The following EIF4G3 variants were observed in gnomAD, a reference collection of about 807,000 sequenced individuals.
EIF4G3 encodes eIF-4-gamma 3.
Under a neutral mutation model 186.4 loss-of-function variants are expected in EIF4G3, and 34 were observed. The observed-to-expected ratio is 0.18, with a 90% CI of 0.14 to 0.24. The LOEUF is 0.24. Ranked by LOEUF, EIF4G3 falls within the 10% of genes least tolerant of loss-of-function variation. EIF4G3 has a pLI of 1.00. For missense variants in EIF4G3, 1,536 were observed against 1,948.5 expected (o/e 0.79, Z 3.99); for synonymous variants, 673 against 679.5 (o/e 0.99, Z 0.15).
chr1:20,914,009 C>T (rs1367181503), intron 14 of EIF4G3, among the ~76,000 whole-genome samples: 2 of 151,662 alleles, frequency 1.3e-5, no homozygotes, highest in South Asian at 2.1e-4. Context: ...GGGGTTTCAC[C>T]GTGTTAGCCA....
chr1:21,088,160 C>G (rs969861879), intron 3 of EIF4G3, among the ~76,000 whole-genome samples: 3 of 152,096 alleles, frequency 2.0e-5, no homozygotes, highest in Non-Finnish European at 2.9e-5. Flanking sequence ...GGCACAGTGG[C>G]TCAGGCCTGT....
chr1:21,108,896 C>A (rs1275508523), intron 2 of EIF4G3, among the ~76,000 whole-genome samples: 2 of 90,460 alleles, frequency 2.2e-5, no homozygotes, highest in Non-Finnish European at 4.2e-5. Context: ...GAGTGAGACT[C>A]CATCTCAAAA....
At chr1:20,880,992 C>T (rs1031732166) in intron 19 of EIF4G3, among the ~76,000 whole-genome samples, 5 of 152,040 alleles carry the variant, frequency 3.3e-5, no homozygotes, top group African/African-American at 1.2e-4. Flanking sequence ...TATATGAACA[C>T]ACACACACAA....
rs968714682 is a variant in EIF4G3 at position 21,113,224 on chromosome 1, T to C, written c.-271-24011A>G. On this transcript the variant is annotated intron_variant, in intron 2 of 36. Transcript: ENST00000602326. ...AGGGAGAAGAGTAGCACTGTACATTTTTTGCAAATCACTTTCATGTCTGGT... is the reference window on the plus strand; with the variant it reads ...AGGGAGAAGAGTAGCACTGTACATTCTTTGCAAATCACTTTCATGTCTGGT... 2.6e-5 allele frequency among the ~76,000 whole-genome samples: 4 copies of C among 152,010 alleles called. No individual in the cohort carries two copies. In the South Asian group the frequency reaches 8.3e-4, roughly 32 times the overall value.
chr1:20,910,953 C>T (rs190487589), intron 14 of EIF4G3, among the ~76,000 whole-genome samples: 7 of 152,264 alleles, frequency 4.6e-5, no homozygotes, highest in Admixed American at 4.6e-4. Flanking sequence ...TTCTTCAATG[C>T]TTGTAATGAT....
In EIF4G3 at chr1:20,879,539, A is replaced by G. The variant is rs759599609; in HGVS notation, c.2425-19T>C. 7.3e-7 allele frequency: 1 copy of G among 1,370,794 alleles called. No individual in the cohort carries two copies. Among genetic ancestry groups the G allele is most frequent in the South Asian group, 2.0e-5 (1 of 49,012 alleles). 84.9% of individuals were successfully genotyped at this position (1,370,794 alleles called of 1,614,324 possible). A position where few individuals can be genotyped will look rare whatever the true frequency, so the allele number is the denominator to read the frequency against. ...AAAGCTCCTAGAAGGGCCACAAAAA[A>G]GAAAAAAGCATTAGAGTAACTGTGA... On this transcript the variant is annotated intron_variant, in intron 19 of 36. Coordinates refer to ENST00000602326, the MANE Select transcript of EIF4G3 (RefSeq NM_001391906.1).
chr1:21,001,088 G>C, intron 6 of EIF4G3, 111 bp downstream of exon 6: 1 of 418,762 alleles, frequency 2.4e-6, no homozygotes, highest in Non-Finnish European at 4.9e-6. Flanking sequence ...CTTTCAGAGA[G>C]GAAGCAATCA....
chr1:21,003,177 T>TC (rs982922688), intron 4 of EIF4G3, among the ~76,000 whole-genome samples: 4 of 149,870 alleles, frequency 2.7e-5, no homozygotes, highest in East Asian at 2.0e-4. Context: ...TTTTCTTTTT[T>TC]TTTTTTTTTT....
At chr1:21,066,386 G>A (rs2154579489) in intron 3 of EIF4G3, among the ~76,000 whole-genome samples, 1 of 151,674 alleles carries the variant, frequency 6.6e-6, no homozygotes, top group Middle Eastern at 3.4e-3. Context: ...ATATACCATT[G>A]ATTTTACATT....
chr1:20,869,315 T>A (rs1389268560), intron 20 of EIF4G3, among the ~76,000 whole-genome samples: 1 of 146,384 alleles, frequency 6.8e-6, no homozygotes. Context: ...AATTTTTTTT[T>A]TTTTTTTTTT....
At chr1:21,028,706 A>G (rs1364194424) in intron 4 of EIF4G3, among the ~76,000 whole-genome samples, 1 of 152,254 alleles carries the variant, frequency 6.6e-6, no homozygotes, top group Non-Finnish European at 1.5e-5. Flanking sequence ...CTCATGATAC[A>G]TAACTTCACA....
chr1:21,007,089 C>T (rs2085296466), intron 4 of EIF4G3, among the ~76,000 whole-genome samples: 1 of 152,032 alleles, frequency 6.6e-6, no homozygotes, highest in African/African-American at 2.4e-5. Flanking sequence ...AAAAACTAAG[C>T]TGCCAAATTT....
chr1:21,094,515 G>C (rs972871208), intron 2 of EIF4G3, among the ~76,000 whole-genome samples: 1 of 150,388 alleles, frequency 6.6e-6, no homozygotes, highest in Non-Finnish European at 1.5e-5. Flanking sequence ...GGAAACTATC[G>C]CAAAGACAGA....
chr1:21,102,379 C>T (rs1250127277), intron 2 of EIF4G3, among the ~76,000 whole-genome samples: 2 of 152,176 alleles, frequency 1.3e-5, no homozygotes, highest in Non-Finnish European at 2.9e-5. Context: ...ACAATTTTCC[C>T]CCAACACTTT....
At chr1:20,941,008 T>C (rs2095690906) in intron 14 of EIF4G3, among the ~76,000 whole-genome samples, 2 of 152,248 alleles carry the variant, frequency 1.3e-5, no homozygotes, top group Admixed American at 1.3e-4. Flanking sequence ...AAAATAGTTA[T>C]AAACCTTTGA....
Position 20,817,380 on chromosome 1 carries a change from T to C in EIF4G3, c.4515+12A>G. ...TGTAGAGGTATCAGGGAAGGTGACA[T>C]AGTCTTTATACCTCTACCCAGTCAA... On this transcript the variant is annotated intron_variant, in intron 34 of 36. Coordinates refer to ENST00000602326, the MANE Select transcript of EIF4G3 (RefSeq NM_001391906.1). 3 of 1,512,534 alleles carry C rather than the reference T, an allele frequency of 2.0e-6. No homozygotes were observed. Among genetic ancestry groups the C allele is most frequent in the South Asian group, 2.8e-5 (2 of 70,390 alleles). 93.7% of individuals were successfully genotyped at this position (1,512,534 alleles called of 1,614,324 possible). A position where few individuals can be genotyped will look rare whatever the true frequency, so the allele number is the denominator to read the frequency against.
intron 30 of EIF4G3, 137 bp from the exon 31 acceptor site, chr1:20,829,409 G>A: frequency 1.1e-6 from 1 of 925,560 alleles, no homozygotes; most frequent in Non-Finnish European, 1.6e-6. Flanking sequence ...CAAAGTGACT[G>A]GTAAATACAT....
chr1:20,839,008 T>C (rs2067607519), intron 30 of EIF4G3, among the ~76,000 whole-genome samples: 1 of 152,112 alleles, frequency 6.6e-6, no homozygotes, highest in Non-Finnish European at 1.5e-5. Context: ...AGAGGGAGTC[T>C]TGCTCTGTCG....
chr1:20,817,303 T>A, intron 34 of EIF4G3, 89 bp downstream of exon 34: 1 of 665,188 alleles, frequency 1.5e-6, no homozygotes, highest in African/African-American at 1.9e-5. Flanking sequence ...TAAAAATTCA[T>A]GAAGTGAACT....
Sources: gnomAD v4.1 joint callset for allele counts (sites outside exome capture counted in the v4.1 genomes callset) on GRCh38, gnomAD v4.1.1 for gene constraint, MANE v1.5 for transcripts, NCBI Gene and HGNC (gene_info 2026-07-23, HGNC 2026-07-21) for gene names.